The following SDK1 variants were observed in gnomAD, a reference collection of about 807,000 sequenced individuals.
The protein encoded by SDK1 is sidekick cell adhesion molecule 1, also known as protein sidekick-1.
SDK1 carries 157 observed loss-of-function variants against 245.5 expected under a neutral mutation model. The observed-to-expected ratio is 0.64, with a 90% CI of 0.56 to 0.73. The LOEUF is 0.73. SDK1 is among the 30% of genes least tolerant of loss of function. The pLI is 0.00. For synonymous variants in SDK1, 1,647 were observed against 1,278.5 expected, an observed-to-expected ratio of 1.29 and a Z score of -6.15; for missense variants, 3,583 against 3,002.3, an observed-to-expected ratio of 1.19 and a Z score of -4.52.
intron 4 of SDK1, among the ~76,000 whole-genome samples, chr7:3,714,249 C>A (rs549202236): frequency 9.4e-4 from 143 of 152,280 alleles, no homozygotes; most frequent in African/African-American, 3.2e-3. Context: ...CTTGATCACT[C>A]CTTGTGTAGC....
rs80323349 is a variant in SDK1, at chr7:3,789,662, A to T, written c.714-31788A>T. Reference sequence around the variant, plus strand: ...CATGGAGCATTAACTCTACACTTATATCATCTCTTCCTCCTGAAACCCCAT... The same window carrying T: ...CATGGAGCATTAACTCTACACTTATTTCATCTCTTCCTCCTGAAACCCCAT... On this transcript the variant is annotated intron_variant, in intron 4 of 44. Transcript: ENST00000404826. Among the ~76,000 whole-genome samples the T allele has an allele frequency of 5.7e-3, 875 of 152,270 alleles. 6 individuals carry two copies. Among genetic ancestry groups the T allele is most frequent in the African/African-American group, 0.02 (819 of 41,552 alleles).
intron 1 of SDK1, among the ~76,000 whole-genome samples, chr7:3,400,082 A>T (rs6948557): frequency 1.3e-5 from 2 of 151,770 alleles, no homozygotes; most frequent in African/African-American, 2.4e-5. Flanking sequence ...TGCTCCAGAG[A>T]GGGCGCTTTT....
intron 22 of SDK1, among the ~76,000 whole-genome samples, chr7:4,106,731 C>T (rs745429813): frequency 1.1e-4 from 16 of 152,136 alleles, no homozygotes; most frequent in Admixed American, 3.9e-4. Context: ...TCTCTCAACG[C>T]GGCGCGTGCC....
chr7:3,363,445 T>C (rs1391434004), intron 1 of SDK1, among the ~76,000 whole-genome samples: 2 of 152,194 alleles, frequency 1.3e-5, no homozygotes, highest in Admixed American at 6.5e-5. Flanking sequence ...ATAGATTTTA[T>C]TGTGTATCCA....
chr7:3,851,136 C>G (rs1233395102), intron 5 of SDK1, among the ~76,000 whole-genome samples: 1 of 152,190 alleles, frequency 6.6e-6, no homozygotes, highest in Non-Finnish European at 1.5e-5. Context: ...TACGTGTTGG[C>G]ATTTTCACTT....
chr7:3,486,152 C>A (rs1781687800), intron 1 of SDK1, among the ~76,000 whole-genome samples: 1 of 151,714 alleles, frequency 6.6e-6, no homozygotes, highest in South Asian at 2.1e-4. Flanking sequence ...CTTTTGTTTT[C>A]TTTTTTCTTA....
intron 44 of SDK1, among the ~76,000 whole-genome samples, chr7:4,250,718 C>T (rs1562481783): frequency 6.6e-6 from 1 of 152,184 alleles, no homozygotes; most frequent in Non-Finnish European, 1.5e-5. Flanking sequence ...GAAAGGCTGC[C>T]ATCTTGACAA....
intron 1 of SDK1, among the ~76,000 whole-genome samples, chr7:3,394,766 A>T (rs900046242): frequency 6.6e-6 from 1 of 152,024 alleles, no homozygotes; most frequent in African/African-American, 2.4e-5. Context: ...TTTTAATGCT[A>T]TTGTGAATGT....
chr7:3,633,332 C>T (rs1782355788), intron 2 of SDK1, among the ~76,000 whole-genome samples: 1 of 152,110 alleles, frequency 6.6e-6, no homozygotes. Flanking sequence ...AGTTCCCTGA[C>T]CACCTAGGGG....
chr7:3,823,984 G>C (rs76071418), intron 5 of SDK1, among the ~76,000 whole-genome samples: 5,405 of 145,864 alleles, frequency 0.037, 335 homozygotes, highest in African/African-American at 0.13. Context: ...TCTGCTAAAA[G>C]TTTTATTTTG....
chr7:3,892,688 G>A (rs909384179), intron 5 of SDK1, among the ~76,000 whole-genome samples: 19 of 152,188 alleles, frequency 1.2e-4, no homozygotes, highest in African/African-American at 4.3e-4. Context: ...CAAGGCAGAA[G>A]CACAGGTGTG....
chr7:3,905,651 G>A (rs184489486), intron 5 of SDK1, among the ~76,000 whole-genome samples: 101 of 151,544 alleles, frequency 6.7e-4, no homozygotes, highest in Admixed American at 6.2e-3. Context: ...TTAGAGGAAC[G>A]TTCTTGCTCT....
chr7:3,774,339 C>T (rs185369804), intron 4 of SDK1, among the ~76,000 whole-genome samples: 9 of 152,216 alleles, frequency 5.9e-5, no homozygotes, highest in Admixed American at 2.6e-4. Context: ...TCTTTGTCTG[C>T]ACCTCTGTGA....
At chr7:4,217,231 TGGAGCACCAGGCCACC>T in intron 38 of SDK1, among the ~76,000 whole-genome samples, 1 of 36,410 alleles carries the variant, frequency 2.7e-5, no homozygotes, top group Non-Finnish European at 6.2e-5. Flanking sequence ...CCAGGCCACC[TGGAGCACCAGGCCACC>T]CGGAGAACCA....
intron 4 of SDK1, among the ~76,000 whole-genome samples, chr7:3,685,108 A>G (rs1784235757): frequency 6.6e-6 from 1 of 152,204 alleles, no homozygotes; most frequent in Non-Finnish European, 1.5e-5. Context: ...CGATTTGGTA[A>G]AAAGCCTAAA....
chr7:4,218,084 C>T lies in SDK1; in HGVS notation c.5540-2025C>T, dbSNP rs1784931653. Among the ~76,000 whole-genome samples the T allele has an allele frequency of 2.0e-5, 3 of 152,130 alleles. No individual in the cohort carries two copies. In the South Asian group the frequency reaches 6.2e-4, roughly 32 times the overall value. ...ATGCCCCATTCCTCTACAGGAAAAC[C>T]CAGTTTTGGAGGGTCACCCAAAAGT... On this transcript the variant is annotated intron_variant, in intron 38 of 44. Transcript: ENST00000404826.
At chr7:4,132,250 G>T in intron 27 of SDK1, 75 bp from the exon 28 acceptor site, 1 of 1,206,016 alleles carries the variant, frequency 8.3e-7, no homozygotes, top group East Asian at 2.5e-5. Context: ...GCTGACCCTC[G>T]GAATCCTGTG....
chr7:4,063,597 C>CAAAAAAAAAAAAAAAAAAAAAAAA (rs35423286), intron 19 of SDK1, among the ~76,000 whole-genome samples: 3 of 125,168 alleles, frequency 2.4e-5, no homozygotes, highest in South Asian at 5.2e-4. Context: ...ACAGAAATAG[C>CAAAAAAAAAAAAAAAAAAAAAAAA]AAAAAAAAAA....
At chr7:4,089,382 C>T (rs1353585400) in intron 22 of SDK1, among the ~76,000 whole-genome samples, 1 of 152,250 alleles carries the variant, frequency 6.6e-6, no homozygotes, top group African/African-American at 2.4e-5. Flanking sequence ...TTGGAAATGA[C>T]AGATCTGCAT....
Sources: allele counts gnomAD v4.1 joint callset (sites outside exome capture counted in the v4.1 genomes callset), GRCh38; gene constraint gnomAD v4.1.1; transcripts MANE v1.5; gene names NCBI Gene and HGNC (gene_info 2026-07-23, HGNC 2026-07-21).